The following CSMD1 variants were observed in gnomAD, a reference collection of about 807,000 sequenced individuals.
CSMD1 encodes the protein CUB and sushi domain-containing protein 1.
CSMD1 carries 213 observed loss-of-function variants against 417.5 expected under a neutral mutation model. The ratio of observed to expected loss-of-function variants is 0.51; its 90% CI spans 0.46 to 0.57. CSMD1 has a LOEUF of 0.57. CSMD1 is among the 20% of genes least tolerant of loss of function. The probability of loss-of-function intolerance (pLI) is 0.00; values close to 1 mark genes in which losing one functional copy is unlikely to be tolerated. For missense variants in CSMD1, 6,923 were observed against 4,529.7 expected (o/e 1.53, Z -15.17); for synonymous variants, 2,862 against 1,736.8 (o/e 1.65, Z -16.11).
At chr8:4,450,185 G>C (rs541579099) in intron 2 of CSMD1, among the ~76,000 whole-genome samples, 9 of 152,220 alleles carry the variant, frequency 5.9e-5, no homozygotes, top group Middle Eastern at 6.8e-3. Context: ...AAACCGAACT[G>C]GGCAACAATT....
intron 3 of CSMD1, among the ~76,000 whole-genome samples, chr8:4,114,512 AG>A (rs1802028787): frequency 1.3e-5 from 2 of 152,204 alleles, no homozygotes. Context: ...TCCATTCTGC[AG>A]CCCATGGATC....
intron 5 of CSMD1, among the ~76,000 whole-genome samples, chr8:3,884,995 C>G (rs930797952): frequency 6.7e-5 from 10 of 149,972 alleles, no homozygotes; most frequent in Non-Finnish European, 1.2e-4. Context: ...ATATATGCAC[C>G]TATCAAATGA....
chr8:4,251,592 G>A (rs1038542702), intron 3 of CSMD1, among the ~76,000 whole-genome samples: 1 of 152,274 alleles, frequency 6.6e-6, no homozygotes, highest in East Asian at 1.9e-4. Context: ...CAACCCAAAA[G>A]TAAATGAGAC....
chr8:4,513,297 G>A (rs1802928833), intron 2 of CSMD1, among the ~76,000 whole-genome samples: 1 of 152,080 alleles, frequency 6.6e-6, no homozygotes, highest in African/African-American at 2.4e-5. Context: ...ATTTGGCTGT[G>A]CACCTAAAAC....
chr8:3,778,071 A>G (rs1216557909), intron 5 of CSMD1, among the ~76,000 whole-genome samples: 2 of 152,142 alleles, frequency 1.3e-5, no homozygotes, highest in African/African-American at 4.8e-5. Flanking sequence ...CCTCCAGGGG[A>G]AACTGGAGTT....
chr8:4,177,620 A>C (rs960315567), intron 3 of CSMD1, among the ~76,000 whole-genome samples: 2 of 148,944 alleles, frequency 1.3e-5, no homozygotes, highest in African/African-American at 5.0e-5. Context: ...ATAACCCTTC[A>C]AAAAATTAAT....
At position 3,017,405 on chromosome 8, in the gene CSMD1, A is replaced by G. The variant is rs912157108; in HGVS notation, c.8029+1072T>C. 9.2e-5 allele frequency among the ~76,000 whole-genome samples: 14 copies of G among 152,344 alleles called. No individual in the cohort carries two copies. In the East Asian group the frequency reaches 2.5e-3, roughly 27 times the overall value. ...ATAGTCCAAGGAAATGTCATCGTCT[A>G]CTGAAAACTGTAATGAGGACACCCA... On this transcript the variant is annotated intron_variant, in intron 52 of 69. Transcript: ENST00000635120.
chr8:3,941,607 T>C (rs1425185117), intron 5 of CSMD1, among the ~76,000 whole-genome samples: 4 of 152,174 alleles, frequency 2.6e-5, no homozygotes, highest in Non-Finnish European at 4.4e-5. Context: ...AAGCATATGG[T>C]AATTCATGAA....
intron 1 of CSMD1, among the ~76,000 whole-genome samples, chr8:4,646,572 G>T (rs189848944): frequency 3.9e-4 from 59 of 152,310 alleles, no homozygotes; most frequent in African/African-American, 1.3e-3. Context: ...ATTCCTGGGT[G>T]TTCGCATATA....
intron 17 of CSMD1, among the ~76,000 whole-genome samples, chr8:3,389,362 G>A (rs776733615): frequency 1.4e-4 from 22 of 152,052 alleles, no homozygotes; most frequent in Non-Finnish European, 2.5e-4. Context: ...GTGAGAACAT[G>A]CGGCGTTTGG....
intron 3 of CSMD1, among the ~76,000 whole-genome samples, chr8:4,115,688 G>A (rs1014807190): frequency 4.6e-5 from 7 of 152,134 alleles, no homozygotes; most frequent in African/African-American, 1.4e-4. Flanking sequence ...CGACCAAGGT[G>A]CCCTGTAAGA....
chr8:4,586,457 G>A (rs1358574586), intron 2 of CSMD1, among the ~76,000 whole-genome samples: 1 of 152,130 alleles, frequency 6.6e-6, no homozygotes, highest in Non-Finnish European at 1.5e-5. Flanking sequence ...ATTCATAACT[G>A]TGATATTTAC....
At chr8:4,818,191 C>G (rs1489909154) in intron 1 of CSMD1, among the ~76,000 whole-genome samples, 1 of 152,044 alleles carries the variant, frequency 6.6e-6, no homozygotes, top group Non-Finnish European at 1.5e-5. Flanking sequence ...TATCATATCA[C>G]CATGAGTTCT....
At chr8:4,890,624 C>A (rs1028025165) in intron 1 of CSMD1, among the ~76,000 whole-genome samples, 1 of 151,816 alleles carries the variant, frequency 6.6e-6, no homozygotes, top group Non-Finnish European at 1.5e-5. Flanking sequence ...TGCTTCAGGT[C>A]CTCACAGCCA....
intron 5 of CSMD1, among the ~76,000 whole-genome samples, chr8:3,864,756 T>C (rs181582419): frequency 2.0e-5 from 3 of 152,184 alleles, no homozygotes; most frequent in African/African-American, 4.8e-5. Flanking sequence ...AATTAAACTA[T>C]AGGCACCATC....
intron 1 of CSMD1, among the ~76,000 whole-genome samples, chr8:4,669,818 A>G (rs1805177348): frequency 6.6e-6 from 1 of 152,194 alleles, no homozygotes. Flanking sequence ...CAATATTTGG[A>G]AAGACATCCA....
At chr8:4,186,937 A>G (rs1416577701) in intron 3 of CSMD1, among the ~76,000 whole-genome samples, 1 of 152,142 alleles carries the variant, frequency 6.6e-6, no homozygotes, top group East Asian at 1.9e-4. Context: ...CAGAGATTGC[A>G]GTGAGCTGCA....
intron 5 of CSMD1, among the ~76,000 whole-genome samples, chr8:3,937,411 T>C (rs954983324): frequency 6.6e-6 from 1 of 152,140 alleles, no homozygotes; most frequent in East Asian, 1.9e-4. Context: ...AAATTGCAAG[T>C]CACCTCAATT....
chr8:4,557,182 G>A (rs998017025), intron 2 of CSMD1, among the ~76,000 whole-genome samples: 1 of 152,118 alleles, frequency 6.6e-6, no homozygotes, highest in African/African-American at 2.4e-5. Context: ...GTTAGAATTT[G>A]GTGACGGATT....
Sources: allele counts gnomAD v4.1 joint callset (sites outside exome capture counted in the v4.1 genomes callset), GRCh38; gene constraint gnomAD v4.1.1; transcripts MANE v1.5; gene names NCBI Gene and HGNC (gene_info 2026-07-23, HGNC 2026-07-21).